The following LAMB1 variants were observed in gnomAD, a reference collection of about 807,000 sequenced individuals.
The protein encoded by LAMB1 is laminin subunit beta 1, also known as laminin subunit beta-1.
Under a neutral mutation model 222.3 loss-of-function variants are expected in LAMB1, and 121 were observed. The observed-to-expected ratio is 0.54, with a 90% CI of 0.47 to 0.63. The LOEUF (loss-of-function observed/expected upper bound fraction) is 0.63, where lower values mean the gene tolerates loss of function less well. Among genes scored for constraint, LAMB1 ranks in the 30% least tolerant of loss-of-function variants. LAMB1 has a pLI of 0.00. For synonymous variants in LAMB1, 794 were observed against 807.2 expected, an observed-to-expected ratio of 0.98 and a Z score of 0.28; for missense variants, 2,172 against 2,240.8, an observed-to-expected ratio of 0.97 and a Z score of 0.62.
chr7:107,986,353 G>A lies in LAMB1; in HGVS notation c.434C>T (p.Pro145Leu), dbSNP rs1185030906. The A allele has an allele frequency of 6.3e-7, 1 of 1,588,184 alleles. No individual in the cohort carries two copies. The highest frequency in any genetic ancestry group is 8.6e-7 in the Non-Finnish European group (1 of 1,163,042). Residue 145 changes from proline (P) to leucine (L), a missense_variant, in exon 6 of 34, where the codon CCA (proline) becomes CTA (leucine). Pro to Leu is a moderately conservative substitution (Grantham distance 98, BLOSUM62 -3). Transcript: ENST00000222399. ...HLIMTFKTFR[P>L]AAMLIERSSD... The stretch of plus-strand genomic sequence containing the variant: ...CGATCGTTCTATCAGCATAGCAGCT[G>A]GACGGAATGTCTAAAGGCAGGAGCA...
chr7:107,953,695 A>G lies in LAMB1; in HGVS notation c.2914T>C (p.Ser972Pro). ...TTGTGACACTGGCAAGGCTGACACGACCCCCCAACTTCTGATGGATTGCCA... is the reference window on the plus strand; with the variant it reads ...TTGTGACACTGGCAAGGCTGACACGGCCCCCCAACTTCTGATGGATTGCCA... ...YFGNPSEVGGSCQPCQCHNNI... is the reference protein window; with the variant it reads ...YFGNPSEVGGPCQPCQCHNNI... The change falls in exon 22 of 34, where the codon TCG (serine) becomes CCG (proline). Residue 972 changes from serine (S) to proline (P), a missense_variant. By Grantham distance (74) the Ser-to-Pro change is moderately conservative. Transcript: ENST00000222399. 1 of 1,613,424 alleles carries G rather than the reference A, an allele frequency of 6.2e-7. No individual in the cohort carries two copies. The highest frequency in any genetic ancestry group is 8.5e-7 in the Non-Finnish European group (1 of 1,179,880).
At chr7:107,939,143 C>T (rs963997204) in intron 25 of LAMB1, among the ~76,000 whole-genome samples, 13 of 152,160 alleles carry the variant, frequency 8.5e-5, no homozygotes, top group African/African-American at 2.9e-4. Context: ...GCACAGATGC[C>T]TCATACCCTT....
chr7:107,935,660 G>A lies in LAMB1; in HGVS notation c.3947-4C>T. ...TTGGTAATGCTATCCAAGGCACCTA[G>A]GGTAGGAAATGAAATTGCCCACAGT... On this transcript the variant is annotated splice_region_variant and splice_polypyrimidine_tract_variant and intron_variant, in intron 26 of 33. Transcript: ENST00000222399. 1 of 1,613,142 alleles carries A rather than the reference G, an allele frequency of 6.2e-7. No homozygotes were observed. The highest frequency in any genetic ancestry group is 1.1e-5 in the South Asian group (1 of 91,018).
intron 31 of LAMB1, 131 bp downstream of exon 31, chr7:107,928,933 A>C (rs1206926467): frequency 7.0e-6 from 6 of 862,904 alleles, no homozygotes; most frequent in Non-Finnish European, 1.1e-5. Context: ...CTAACGGAGT[A>C]GTTTAGATTT....
rs1198355112 is a variant in LAMB1, at chr7:107,950,955, T to TGTGC, written c.3391+270_3391+271insGCAC. 1.0e-4 allele frequency: 38 copies of TGTGC among 368,294 alleles called. 1 individual carries two copies. The East Asian group carries it at 2.0e-3, about 20-fold the overall frequency. The allele number at this position is 368,294 out of a possible 1,614,324, so 22.8% of individuals were successfully genotyped here. On this transcript the variant is annotated intron_variant, in intron 24 of 33. Coordinates refer to ENST00000222399, the MANE Select transcript of LAMB1 (RefSeq NM_002291.3). ...GTGTGTGTGTGTGTGTGTGTGTGTG[T>TGTGC]GTGTGTGCTTACACACAGAAACAAA...
chr7:107,960,171 C>T lies in LAMB1; in HGVS notation c.2314+274G>A, dbSNP rs142217704. Among the ~76,000 whole-genome samples the T allele has an allele frequency of 4.2e-3, 641 of 152,296 alleles. 3 individuals carry two copies. Among genetic ancestry groups the T allele is most frequent in the Non-Finnish European group, 7.3e-3 (495 of 68,030 alleles). On this transcript the variant is annotated intron_variant, in intron 18 of 33. Coordinates refer to ENST00000222399, the MANE Select transcript of LAMB1 (RefSeq NM_002291.3). ...TTGATGCTTCTCTGATTCCATTCCC[C>T]TCTCCCTACCCTGCTTATGGAAATG...
rs1471515174 is a variant in LAMB1 at position 108,001,626 on chromosome 7, TC to T, written c.144del (p.Lys49SerfsTer4). On this transcript the variant is annotated frameshift_variant, in exon 3 of 34. Coordinates refer to ENST00000222399, the MANE Select transcript of LAMB1 (RefSeq NM_002291.3). LOFTEE classifies it high-confidence loss of function. ...CCGCACGTCGAGGTCACCGAAAGCTTCTGTGCTCGGCCGATGAGAAGGTCGC... is the reference window on the plus strand; with the variant it reads ...CCGCACGTCGAGGTCACCGAAAGCTTTGTGCTCGGCCGATGAGAAGGTCGC... ...ATGDLLIGRAQKLSVTSTCGL... is the reference protein window; with the variant it reads ...ATGDLLIGRAXKLSVTSTCGL... 2.5e-6 allele frequency: 4 copies of T among 1,613,118 alleles called. No individual in the cohort carries two copies. The highest frequency in any genetic ancestry group is 3.4e-6 in the Non-Finnish European group (4 of 1,179,888).
chr7:107,991,983 C>G (rs1460535945), intron 5 of LAMB1, among the ~76,000 whole-genome samples: 4 of 151,974 alleles, frequency 2.6e-5, no homozygotes, highest in Non-Finnish European at 5.9e-5. Context: ...AGTTCACACT[C>G]CCTAGCAAGG....
intron 20 of LAMB1, among the ~76,000 whole-genome samples, chr7:107,958,210 T>C (rs184542421): frequency 9.2e-5 from 14 of 152,330 alleles, no homozygotes; most frequent in Admixed American, 1.3e-4. Flanking sequence ...CCCCAAAATA[T>C]TAATTTCCTC....
chr7:107,969,908 T>G (rs896178361), intron 13 of LAMB1, among the ~76,000 whole-genome samples: 8 of 152,204 alleles, frequency 5.3e-5, no homozygotes, highest in Non-Finnish European at 1.0e-4. Context: ...AGTACATGAT[T>G]ATAATTAACA....
At position 107,959,332 on chromosome 7, in the gene LAMB1, G is replaced by A; in HGVS notation, c.2607C>T (p.Cys869=). The change falls in exon 20 of 34, where the codon TGC becomes TGT. Residue 869 remains cysteine, a synonymous_variant. Coordinates refer to ENST00000222399, the MANE Select transcript of LAMB1 (RefSeq NM_002291.3). Reference sequence around the variant, plus strand: ...GGTCGCAGTCATCGGCGTGGCCATTGCACTGGCAGGGCTGGCAACTTGGAA... The same window carrying A: ...GGTCGCAGTCATCGGCGTGGCCATTACACTGGCAGGGCTGGCAACTTGGAA... ...WGFPSCQPCQ[C]NGHADDCDPV... 1.2e-6 allele frequency: 2 copies of A among 1,614,254 alleles called. No individual in the cohort carries two copies. Among genetic ancestry groups the A allele is most frequent in the South Asian group, 2.2e-5 (2 of 91,090 alleles).
At chr7:107,951,035 A>G (rs1272285036) in intron 24 of LAMB1, 191 bp downstream of exon 24, 1 of 551,646 alleles carries the variant, frequency 1.8e-6, no homozygotes, top group Non-Finnish European at 3.3e-6. Flanking sequence ...TTGACTACCT[A>G]TACTTATGGG....
At chr7:108,000,666 C>T (rs2034365215) in intron 3 of LAMB1, among the ~76,000 whole-genome samples, 1 of 152,200 alleles carries the variant, frequency 6.6e-6, no homozygotes, top group African/African-American at 2.4e-5. Context: ...ACCTCAGCCT[C>T]CCAGACAGCT....
chr7:107,982,195 T>G (rs2033985568), intron 7 of LAMB1, among the ~76,000 whole-genome samples: 1 of 152,246 alleles, frequency 6.6e-6, no homozygotes, highest in South Asian at 2.1e-4. Flanking sequence ...CTCCACGGGG[T>G]TTTCGTGAGT....
At chr7:107,939,910 A>G in intron 25 of LAMB1, 79 bp downstream of exon 25, 1 of 1,482,544 alleles carries the variant, frequency 6.7e-7, no homozygotes, top group Non-Finnish European at 9.2e-7. Context: ...TGGAAGCACC[A>G]TGCCAGGAAA....
chr7:107,967,850 A>T (rs2033665492), intron 13 of LAMB1, among the ~76,000 whole-genome samples: 1 of 152,218 alleles, frequency 6.6e-6, no homozygotes, highest in African/African-American at 2.4e-5. Flanking sequence ...ATCAAAATGC[A>T]GTAAGAACCT....
intron 27 of LAMB1, 97 bp from the exon 28 acceptor site, chr7:107,932,474 G>T: frequency 8.5e-7 from 1 of 1,183,128 alleles, no homozygotes; most frequent in Non-Finnish European, 1.3e-6. Flanking sequence ...AGAATGTGTA[G>T]GTGGTCCTCA....
chr7:107,932,478 G>A (rs1235673441), intron 27 of LAMB1, 101 bp from the exon 28 acceptor site: 10 of 1,129,088 alleles, frequency 8.9e-6, no homozygotes, highest in Non-Finnish European at 1.2e-5. Flanking sequence ...TGTGTAGGTG[G>A]TCCTCAGCAA....
chr7:107,940,560 G>C, intron 24 of LAMB1: 1 of 579,448 alleles, frequency 1.7e-6, no homozygotes, highest in Non-Finnish European at 3.1e-6. Flanking sequence ...CTTCTTAGCA[G>C]TAATAATACT....
Sources: allele counts gnomAD v4.1 joint callset (sites outside exome capture counted in the v4.1 genomes callset), GRCh38; gene constraint gnomAD v4.1.1; transcripts MANE v1.5; gene names NCBI Gene and HGNC (gene_info 2026-07-23, HGNC 2026-07-21).